TRPM2: variants seen among roughly 807,000 people sequenced by gnomAD.
TRPM2 encodes the protein transient receptor potential cation channel subfamily M member 2.
Under a neutral mutation model 174.0 loss-of-function variants are expected in TRPM2, and 161 were observed. The observed-to-expected ratio is 0.93, with a 90% CI of 0.81 to 1.05. The LOEUF (loss-of-function observed/expected upper bound fraction) is 1.05. Ranked by LOEUF, TRPM2 falls within the 50% of genes least tolerant of loss-of-function variation. TRPM2 has a pLI of 0.00. For synonymous variants in TRPM2, 954 were observed against 861.3 expected (o/e 1.11, Z -1.88); for missense variants, 2,057 against 2,038.0 (o/e 1.01, Z -0.18).
intron 9 of TRPM2, among the ~76,000 whole-genome samples, chr21:44,384,112 C>T (rs920922656): frequency 6.6e-5 from 10 of 152,036 alleles, no homozygotes; most frequent in Non-Finnish European, 1.5e-4. Flanking sequence ...ATTTAGCTAA[C>T]TGGACTAAGA....
At chr21:44,395,381 C>T (rs201328597) in intron 11 of TRPM2, 33 bp from the exon 12 acceptor site, 33 of 1,608,272 alleles carry the variant, frequency 2.1e-5, no homozygotes, top group African/African-American at 8.0e-5. Context: ...CCAGGCGGCC[C>T]GGCTGGGGCT....
upstream of TRPM2, among the ~76,000 whole-genome samples, chr21:44,352,599 C>G (rs1415110367): frequency 6.6e-6 from 1 of 152,180 alleles, no homozygotes; most frequent in Non-Finnish European, 1.5e-5. Context: ...CAACCCTCCC[C>G]TTGACACCTT....
rs1007981313 is a variant in TRPM2 at position 44,399,055 on chromosome 21, C to T, written c.2063-241C>T. On this transcript the variant is annotated intron_variant, in intron 13 of 31. Transcript: ENST00000397928. The surrounding 1 kb of genome is among the most constrained non-coding windows in gnomAD (Gnocchi z 4.6). ...AGATGGAGTCCATTAGGTCAGTTCTCGGTCCCTGTCTGAGTTTTCTCCCTG... is the reference window on the plus strand; with the variant it reads ...AGATGGAGTCCATTAGGTCAGTTCTTGGTCCCTGTCTGAGTTTTCTCCCTG... 2.6e-5 allele frequency among the ~76,000 whole-genome samples: 4 copies of T among 152,128 alleles called. No individual in the cohort carries two copies. Among genetic ancestry groups the T allele is most frequent in the African/African-American group, 9.7e-5 (4 of 41,420 alleles).
intron 11 of TRPM2, among the ~76,000 whole-genome samples, chr21:44,394,698 T>C (rs746849041): frequency 2.6e-5 from 4 of 152,184 alleles, no homozygotes; most frequent in Non-Finnish European, 5.9e-5. Context: ...AGTTGGAATA[T>C]GCTTAGGAAG....
intron 24 of TRPM2, 40 bp downstream of exon 24, chr21:44,424,979 C>T (rs774115595): frequency 1.0e-4 from 162 of 1,546,040 alleles, no homozygotes; most frequent in Non-Finnish European, 1.4e-4. Flanking sequence ...CTCCAGCCGC[C>T]TGTTTCTTTT....
intron 31 of TRPM2, 74 bp from the exon 32 acceptor site, chr21:44,441,618 G>C: frequency 1.3e-6 from 2 of 1,503,604 alleles, no homozygotes; most frequent in African/African-American, 1.4e-5. Flanking sequence ...GCCCTCGAAG[G>C]CTGCAGTCCG....
At position 44,353,767 on chromosome 21, in the gene TRPM2, A is replaced by G. The variant is rs1342085426; in HGVS notation, c.67A>G (p.Arg23Gly). The change falls in exon 1 of 32, where the codon AGG (arginine) becomes GGG (glycine). Residue 23 changes from arginine to glycine, a missense_variant. Transcript: ENST00000397928. ...GGAGGGCTTTGAGGGGCTGCCCAGA[A>G]GGGTCACTGACCTGGGGATGGTCTC... is the stretch of plus-strand genomic sequence containing the variant. The part of the protein sequence containing the change: ...QEEGFEGLPR[R>G]VTDLGMVSNL... 5.6e-6 allele frequency: 9 copies of G among 1,600,630 alleles called. No individual in the cohort carries two copies. The highest frequency in any genetic ancestry group is 7.7e-6 in the Non-Finnish European group (9 of 1,174,470).
intron 16 of TRPM2, among the ~76,000 whole-genome samples, chr21:44,404,200 C>G (rs946536106): frequency 6.6e-6 from 1 of 151,892 alleles, no homozygotes; most frequent in Non-Finnish European, 1.5e-5. Context: ...TGCAAATACA[C>G]ATATACACAG....
intron 28 of TRPM2, among the ~76,000 whole-genome samples, 155 bp from the exon 29 acceptor site, chr21:44,436,907 T>A (rs2051291223): frequency 6.6e-6 from 1 of 152,158 alleles, no homozygotes; most frequent in Non-Finnish European, 1.5e-5. Flanking sequence ...TATCTCAGTC[T>A]TTTCCCTGGG....
chr21:44,374,291 G>A lies in TRPM2; in HGVS notation c.772-1542G>A, dbSNP rs538130467. On this transcript the variant is annotated intron_variant, in intron 5 of 31. Coordinates refer to ENST00000397928, the MANE Select transcript of TRPM2 (RefSeq NM_003307.4). ...CTCCCAAAGTGCTGGGATTCCAGGC[G>A]TGAGCCACCGTGCCTGGCCCGTATA... Among the ~76,000 whole-genome samples the A allele has an allele frequency of 5.9e-4, 90 of 152,232 alleles. 1 individual carries two copies. Among genetic ancestry groups the A allele is most frequent in the African/African-American group, 2.1e-3 (87 of 41,514 alleles).
chr21:44,392,421 C>CTT (rs747999336), intron 11 of TRPM2, among the ~76,000 whole-genome samples: 6 of 139,968 alleles, frequency 4.3e-5, no homozygotes, highest in Admixed American at 1.4e-4. Context: ...CCACACCCAG[C>CTT]TTTTTTTTTT....
rs149806765 is a variant in TRPM2 at position 44,418,527 on chromosome 21, G to A, written c.3433G>A (p.Glu1145Lys). 65 of 1,614,104 alleles carry A rather than the reference G, an allele frequency of 4.0e-5. No individual in the cohort carries two copies. In the South Asian group the frequency reaches 5.1e-4, roughly 13 times the overall value. ...NRQFQQKQRP[E>K]QKIEDISNKV... ...ACAGTTCCAGCAAAAGCAGCGGCCCGAGCAGAAGATCGAGGACATCAGCAA... is the reference window on the plus strand; with the variant it reads ...ACAGTTCCAGCAAAAGCAGCGGCCCAAGCAGAAGATCGAGGACATCAGCAA... Residue 1145 changes from glutamate (E) to lysine (K), a missense_variant, in exon 22 of 32, where the codon GAG becomes AAG. Physicochemically the swap from Glu to Lys is moderately conservative, Grantham distance 56 (BLOSUM62 1). Transcript: ENST00000397928.
chr21:44,392,574 C>CT (rs1569054015), intron 11 of TRPM2, among the ~76,000 whole-genome samples: 2 of 152,044 alleles, frequency 1.3e-5, no homozygotes, highest in South Asian at 4.2e-4. Flanking sequence ...CCTCACCCCT[C>CT]TTTTTATAAA....
intron 2 of TRPM2, among the ~76,000 whole-genome samples, chr21:44,360,037 T>C (rs1307186499): frequency 6.6e-6 from 1 of 151,996 alleles, no homozygotes; most frequent in East Asian, 1.9e-4. Flanking sequence ...TGAGGCACCA[T>C]GCCCAGCCTC....
rs538122877 is a variant in TRPM2, at chr21:44,368,674, T to C, written c.605-503T>C. 2.8e-4 allele frequency among the ~76,000 whole-genome samples: 43 copies of C among 152,128 alleles called. No homozygotes were observed. In the East Asian group the frequency reaches 8.3e-3, roughly 29 times the overall value. ...CTCGAACTCCTGACCTCAGGTGATC[T>C]GCCCGCCTCGGCCTCCCAAAGTGCT... On this transcript the variant is annotated intron_variant, in intron 4 of 31. Transcript: ENST00000397928.
At chr21:44,361,332 T>G (rs1235669952) in intron 2 of TRPM2, among the ~76,000 whole-genome samples, 1 of 151,602 alleles carries the variant, frequency 6.6e-6, no homozygotes, top group Non-Finnish European at 1.5e-5. Flanking sequence ...AGGATGGCTT[T>G]GAACTCCTGA....
intron 2 of TRPM2, among the ~76,000 whole-genome samples, chr21:44,356,417 A>G (rs1229186269): frequency 6.6e-6 from 1 of 151,722 alleles, no homozygotes; most frequent in African/African-American, 2.4e-5. Flanking sequence ...CTCACACGAG[A>G]AAGTATTTGG....
intron 9 of TRPM2, among the ~76,000 whole-genome samples, chr21:44,385,335 C>G (rs897853471): frequency 3.3e-5 from 5 of 152,176 alleles, no homozygotes; most frequent in African/African-American, 1.2e-4. Context: ...AAGACTGGGA[C>G]ATAGCAAAAA....
chr21:44,365,306 C>T (rs578208053), intron 3 of TRPM2, among the ~76,000 whole-genome samples: 6 of 152,338 alleles, frequency 3.9e-5, no homozygotes, highest in South Asian at 4.1e-4. Flanking sequence ...TCTGTGCTGG[C>T]GTCTGGAGCC....
Sources: allele counts gnomAD v4.1 joint callset (sites outside exome capture counted in the v4.1 genomes callset), GRCh38; gene constraint gnomAD v4.1.1; non-coding constraint Gnocchi (gnomAD v3.1); transcripts MANE v1.5; gene names NCBI Gene and HGNC (gene_info 2026-07-23, HGNC 2026-07-21).